Variants in CEP57L1 observed in about 807,000 individuals in gnomAD.
CEP57L1 encodes the protein centrosomal protein CEP57L1.
CEP57L1 carries 37 observed loss-of-function variants against 61.0 expected under a neutral mutation model. The ratio of observed to expected loss-of-function variants is 0.61; its 90% CI spans 0.47 to 0.80. The LOEUF (loss-of-function observed/expected upper bound fraction) is 0.80, where lower values mean the gene tolerates loss of function less well. CEP57L1 is among the 30% of genes least tolerant of loss of function. The probability of loss-of-function intolerance (pLI) is 0.00; values close to 1 mark genes in which losing one functional copy is unlikely to be tolerated. For missense variants in CEP57L1, 422 were observed against 524.7 expected, an observed-to-expected ratio of 0.80 and a Z score of 1.91; for synonymous variants, 137 against 162.3, an observed-to-expected ratio of 0.84 and a Z score of 1.19.
At chr6:109,139,417 G>A (rs9969025) in intron 1 of CEP57L1, among the ~76,000 whole-genome samples, 9,173 of 152,028 alleles carry the variant, frequency 0.06, 919 homozygotes, top group African/African-American at 0.21. Context: ...ATTGTGCCTC[G>A]GCCACCATAG....
intron 1 of CEP57L1, among the ~76,000 whole-genome samples, chr6:109,134,315 G>T (rs879431573): frequency 6.6e-6 from 1 of 151,996 alleles, no homozygotes; most frequent in Non-Finnish European, 1.5e-5. Flanking sequence ...CAAAAACCAC[G>T]TGGTTATCTC....
upstream of CEP57L1, chr6:109,095,177 G>A (rs1218031982): frequency 5.1e-6 from 5 of 985,456 alleles, no homozygotes. Flanking sequence ...GCCCCCGGAG[G>A]CGCTAAGCTT....
chr6:109,145,005 C>G (rs1414025732), intron 1 of CEP57L1, among the ~76,000 whole-genome samples: 2 of 151,990 alleles, frequency 1.3e-5, no homozygotes, highest in Non-Finnish European at 2.9e-5. Flanking sequence ...TATTGAAAAT[C>G]AGGCAGAATT....
chr6:109,159,576 T>A, intron 9 of CEP57L1, 114 bp downstream of exon 9: 1 of 932,894 alleles, frequency 1.1e-6, no homozygotes, highest in Non-Finnish European at 1.6e-6. Flanking sequence ...CCCAAAGTGC[T>A]AGGATTACAA....
At chr6:109,113,902 AT>A (rs1345786896) in intron 1 of CEP57L1, among the ~76,000 whole-genome samples, 1 of 152,172 alleles carries the variant, frequency 6.6e-6, no homozygotes, top group African/African-American at 2.4e-5. Flanking sequence ...GGGTACAGAC[AT>A]TGCTAGAATA....
intron 5 of CEP57L1, among the ~76,000 whole-genome samples, chr6:109,154,509 T>A (rs1773013645): frequency 6.6e-6 from 1 of 152,178 alleles, no homozygotes; most frequent in African/African-American, 2.4e-5. Context: ...TGTTGTTTTA[T>A]GAATATTGCT....
intron 1 of CEP57L1, among the ~76,000 whole-genome samples, chr6:109,142,769 C>T (rs1263486665): frequency 1.3e-5 from 2 of 152,108 alleles, no homozygotes; most frequent in African/African-American, 4.8e-5. Context: ...CTAGCTAAGT[C>T]TGGTATCAGA....
chr6:109,111,438 T>C (rs1771606234), intron 1 of CEP57L1, among the ~76,000 whole-genome samples: 1 of 152,168 alleles, frequency 6.6e-6, no homozygotes, highest in African/African-American at 2.4e-5. Flanking sequence ...ACGATGGGGT[T>C]TTCTAAATAT....
In CEP57L1 at chr6:109,105,736, A is replaced by G. The variant is rs116750021; in HGVS notation, c.-4+10161A>G. ...TGAAATTACATTTTCTAGATAGATTATCTAGATTAGGGATCCCCAACCCTC... is the reference window on the plus strand; with the variant it reads ...TGAAATTACATTTTCTAGATAGATTGTCTAGATTAGGGATCCCCAACCCTC... On this transcript the variant is annotated intron_variant, in intron 1 of 10. Coordinates refer to ENST00000517392, the MANE Select transcript of CEP57L1 (RefSeq NM_001271852.3). Among the ~76,000 whole-genome samples, 1,260 of 152,268 alleles carry G rather than the reference A, an allele frequency of 8.3e-3. 23 individuals are homozygous for G. The highest frequency in any genetic ancestry group is 0.029 in the African/African-American group (1,209 of 41,542).
At chr6:109,136,749 T>C (rs1770774432) in intron 1 of CEP57L1, among the ~76,000 whole-genome samples, 1 of 139,120 alleles carries the variant, frequency 7.2e-6, no homozygotes, top group South Asian at 2.1e-4. Flanking sequence ...TATTTTATTT[T>C]ATTTTATTTT....
intron 1 of CEP57L1, among the ~76,000 whole-genome samples, chr6:109,142,972 T>G (rs868090722): frequency 1.7e-5 from 2 of 117,004 alleles, no homozygotes; most frequent in Non-Finnish European, 3.8e-5. Context: ...TCTCTCTCTC[T>G]CTCTCTCTCT....
At chr6:109,149,125 C>T (rs1261597771) in intron 3 of CEP57L1, among the ~76,000 whole-genome samples, 5 of 152,190 alleles carry the variant, frequency 3.3e-5, no homozygotes, top group East Asian at 1.9e-4. Flanking sequence ...TTAGTTTAAT[C>T]AGATCCCATT....
intron 1 of CEP57L1, among the ~76,000 whole-genome samples, chr6:109,122,364 A>G (rs1773072116): frequency 6.6e-6 from 1 of 151,770 alleles, no homozygotes; most frequent in Non-Finnish European, 1.5e-5. Context: ...TTTATTTTTC[A>G]TTTGTTTATA....
At position 109,155,787 on chromosome 6, in the gene CEP57L1, A is replaced by G. The variant is rs1333351397; in HGVS notation, c.658-4A>G. 3.4e-6 allele frequency: 5 copies of G among 1,454,770 alleles called. No individual in the cohort carries two copies. The highest frequency in any genetic ancestry group is 4.8e-6 in the Non-Finnish European group (5 of 1,045,832). 90.1% of individuals were successfully genotyped at this position (1,454,770 alleles called of 1,614,324 possible). Reference sequence around the variant, plus strand: ...TGTTATAACCTTTTTTTTAAATATTACAGCTTCAAACTGGACTTGAAATCA... The same window carrying G: ...TGTTATAACCTTTTTTTTAAATATTGCAGCTTCAAACTGGACTTGAAATCA... On this transcript the variant is annotated splice_polypyrimidine_tract_variant and splice_region_variant and intron_variant, in intron 6 of 10. Transcript: ENST00000517392.
chr6:109,158,404 G>A (rs770675168), intron 7 of CEP57L1: 7 of 285,238 alleles, frequency 2.5e-5, no homozygotes, highest in East Asian at 1.1e-4. Context: ...CAGGAGAATC[G>A]CTTGAGCCTG....
chr6:109,161,726 TGAAAG>T (rs1311060378), intron 10 of CEP57L1, among the ~76,000 whole-genome samples: 4 of 152,098 alleles, frequency 2.6e-5, no homozygotes, highest in Non-Finnish European at 5.9e-5. Flanking sequence ...TGGAGAAACT[TGAAAG>T]GAATAGAAGA....
At chr6:109,148,959 T>C (rs564508821) in intron 3 of CEP57L1, among the ~76,000 whole-genome samples, 1 of 152,350 alleles carries the variant, frequency 6.6e-6, no homozygotes, top group Non-Finnish European at 1.5e-5. Flanking sequence ...CACTTGTTGA[T>C]GGGGCTGTTT....
intron 2 of CEP57L1, among the ~76,000 whole-genome samples, chr6:109,146,051 A>G (rs922475314): frequency 6.6e-5 from 10 of 151,906 alleles, no homozygotes; most frequent in Admixed American, 5.9e-4. Context: ...ATATCATGTA[A>G]AGAGGAATAA....
intron 1 of CEP57L1, among the ~76,000 whole-genome samples, chr6:109,113,715 A>C (rs1771948424): frequency 6.6e-6 from 1 of 152,234 alleles, no homozygotes; most frequent in South Asian, 2.1e-4. Flanking sequence ...GTATTAACAT[A>C]CAGTAGTAAA....
Sources: gnomAD v4.1 joint callset for allele counts (sites outside exome capture counted in the v4.1 genomes callset) on GRCh38, gnomAD v4.1.1 for gene constraint, MANE v1.5 for transcripts, NCBI Gene and HGNC (gene_info 2026-07-23, HGNC 2026-07-21) for gene names.